The following CTSD variants were observed in gnomAD, a reference collection of about 807,000 sequenced individuals.
CTSD encodes cathepsin D, also known as ceroid-lipofuscinosis, neuronal 10.
A neutral mutation model predicts 43.6 loss-of-function variants in CTSD; 28 were observed. That is an observed-to-expected ratio of 0.64 (90% CI 0.48 to 0.88). The LOEUF (loss-of-function observed/expected upper bound fraction) is 0.88. Among genes scored for constraint, CTSD ranks in the 40% least tolerant of loss-of-function variants. CTSD has a pLI of 0.00. For missense variants in CTSD, 485 were observed against 555.2 expected (o/e 0.87, Z 1.27); for synonymous variants, 270 against 249.8 (o/e 1.08, Z -0.76).
In CTSD at chr11:1,754,886, C is replaced by T. The variant is rs763211820; in HGVS notation, c.827+20G>A. 31 of 1,613,376 alleles carry T rather than the reference C, an allele frequency of 1.9e-5. No homozygotes were observed. Among genetic ancestry groups the T allele is most frequent in the Middle Eastern group, 1.6e-4 (1 of 6,080 alleles). On this transcript the variant is annotated intron_variant, in intron 6 of 8. Transcript: ENST00000236671. ...CCCCGCCCACAGAACCCAGGGGAGC[C>T]GACTGCAGCCACTACTCACTGGTCC...
chr11:1,755,324 C>T (rs1355023577), intron 5 of CTSD: 14 of 461,182 alleles, frequency 3.0e-5, no homozygotes, highest in South Asian at 1.7e-4. Flanking sequence ...TCAAGGCTAG[C>T]GGCAGACAAG....
intron 1 of CTSD, 70 bp from the exon 2 acceptor site, chr11:1,761,538 C>T (rs1845877948): frequency 6.5e-7 from 1 of 1,547,764 alleles, no homozygotes. Context: ...CAATGCTGCA[C>T]ATCCACCTGG....
intron 5 of CTSD, among the ~76,000 whole-genome samples, chr11:1,757,114 C>A (rs1031420950): frequency 6.6e-6 from 1 of 152,240 alleles, no homozygotes; most frequent in African/African-American, 2.4e-5. Flanking sequence ...CTGGGAGACC[C>A]CGGCCAAACA....
At position 1,753,843 on chromosome 11, in the gene CTSD, C is replaced by T. The variant is rs931985226; in HGVS notation, c.1031G>A (p.Gly344Asp). The T allele has an allele frequency of 1.9e-6, 3 of 1,613,592 alleles. No individual in the cohort carries two copies. Among genetic ancestry groups the T allele is most frequent in the Non-Finnish European group, 2.5e-6 (3 of 1,179,730 alleles). Residue 344 changes from glycine to aspartate, a missense_variant, in exon 8 of 9, where the codon GGC becomes GAC. By Grantham distance (94) the Gly-to-Asp change is moderately conservative. Coordinates refer to ENST00000236671, the MANE Select transcript of CTSD (RefSeq NM_001909.5). Reference sequence around the variant, plus strand: ...CTCTGGGGACAGCTTGTAGCCTTTGCCTCCCAGCTTCAGTGTGATCGCGGG... The same window carrying T: ...CTCTGGGGACAGCTTGTAGCCTTTGTCTCCCAGCTTCAGTGTGATCGCGGG... ...TLPAITLKLG[G>D]KGYKLSPEDY... is the part of the protein sequence containing the mutation.
intron 8 of CTSD, 45 bp from the exon 9 acceptor site, chr11:1,753,715 C>G (rs370522137): frequency 6.2e-7 from 1 of 1,608,324 alleles, no homozygotes; most frequent in Non-Finnish European, 8.5e-7. Context: ...GCACCACCCG[C>G]CCCCCCACCT....
intron 5 of CTSD, among the ~76,000 whole-genome samples, chr11:1,755,616 C>T (rs1454460864): frequency 6.6e-6 from 1 of 152,132 alleles, no homozygotes; most frequent in Non-Finnish European, 1.5e-5. Flanking sequence ...CCATGTCGCC[C>T]GGGTTTGTTT....
chr11:1,753,493 G>A lies in CTSD; in HGVS notation c.*10C>T, dbSNP rs768283127. ...TCTGTTTCTGTGCTGGCGCGCGGAC[G>A]CCTTGGGAACTAGAGGCGGGCAGCC... On this transcript the variant is annotated 3_prime_UTR_variant, in exon 9 of 9. Coordinates refer to ENST00000236671, the MANE Select transcript of CTSD (RefSeq NM_001909.5). 13 of 1,612,856 alleles carry A rather than the reference G, an allele frequency of 8.1e-6. No individual in the cohort carries two copies. Among genetic ancestry groups the A allele is most frequent in the Middle Eastern group, 1.6e-4 (1 of 6,084 alleles).
intron 5 of CTSD, among the ~76,000 whole-genome samples, chr11:1,756,740 G>A (rs569377044): frequency 1.7e-3 from 253 of 152,266 alleles, no homozygotes; most frequent in Middle Eastern, 3.4e-3. Flanking sequence ...CTGGAGCAGC[G>A]GCTGCAGGTG....
At chr11:1,757,163 C>T (rs962583246) in intron 5 of CTSD, among the ~76,000 whole-genome samples, 161 bp downstream of exon 5, 10 of 152,314 alleles carry the variant, frequency 6.6e-5, no homozygotes, top group Middle Eastern at 3.4e-3. Flanking sequence ...TGCAGAAGGG[C>T]GGCCAACCCC....
At position 1,753,999 on chromosome 11, in the gene CTSD, C is replaced by T; in HGVS notation, c.967G>A (p.Gly323Ser). ...CCCCAGCCCCCGGCGCTCACCTCGC[C>T]CTGAATCAGCGGCACGGCCCCGATG... ...KAIGAVPLIQ[G>S]EYMIPCEKVS... Residue 323 changes from glycine (G) to serine (S), a missense_variant, in exon 7 of 9, where the codon GGC becomes AGC. Transcript: ENST00000236671. 1 of 1,606,846 alleles carries T rather than the reference C, an allele frequency of 6.2e-7. No individual in the cohort carries two copies.
intron 6 of CTSD, among the ~76,000 whole-genome samples, chr11:1,754,622 G>A (rs1845786215): frequency 6.8e-6 from 1 of 147,130 alleles, no homozygotes; most frequent in South Asian, 2.2e-4. Context: ...GGGGATGGAG[G>A]GCATGGAGGG....
Position 1,757,311 on chromosome 11 carries a change from C to T in CTSD, c.704+13G>A, listed in dbSNP as rs1337575299. The T allele has an allele frequency of 5.0e-6, 8 of 1,609,148 alleles. No individual in the cohort carries two copies. Among genetic ancestry groups the T allele is most frequent in the African/African-American group, 2.7e-5 (2 of 74,856 alleles). On this transcript the variant is annotated intron_variant, in intron 5 of 8. Transcript: ENST00000236671. ...CCCAGCAACGCGGAGCGAGAGGGAA[C>T]CCACACGCCCACCTGCTCAGGTAGA...
chr11:1,755,414 G>A, intron 5 of CTSD: 1 of 345,464 alleles, frequency 2.9e-6, no homozygotes, highest in East Asian at 7.4e-5. Context: ...CTTCCAGGAG[G>A]GAGTGATGGC....
intron 3 of CTSD, 32 bp downstream of exon 3, chr11:1,759,484 C>G (rs749784302): frequency 4.9e-5 from 79 of 1,612,110 alleles, no homozygotes; most frequent in Non-Finnish European, 6.5e-5. Flanking sequence ...AAGGGCAGGA[C>G]CTGGGCGACG....
intron 4 of CTSD, 22 bp from the exon 5 acceptor site, chr11:1,757,578 G>A: frequency 6.3e-7 from 1 of 1,584,436 alleles, no homozygotes; most frequent in Non-Finnish European, 8.6e-7. Context: ...GGCAGAGTCA[G>A]TGGGCAGCAG....
chr11:1,762,516 T>G (rs1233157142), intron 1 of CTSD: 1 of 152,188 alleles, frequency 6.6e-6, no homozygotes, highest in African/African-American at 2.4e-5. Context: ...TCCTGGCTTG[T>G]CAGGGGCGTG....
intron 5 of CTSD, 56 bp from the exon 6 acceptor site, chr11:1,755,084 C>A: frequency 1.9e-6 from 3 of 1,610,126 alleles, no homozygotes; most frequent in Non-Finnish European, 2.5e-6. Flanking sequence ...ACAAGAGTGC[C>A]AGGTCAGGAG....
At chr11:1,756,501 C>T (rs1046933136) in intron 5 of CTSD, among the ~76,000 whole-genome samples, 1 of 152,228 alleles carries the variant, frequency 6.6e-6, no homozygotes, top group Non-Finnish European at 1.5e-5. Context: ...AAGTGAGCCA[C>T]GTGAGGTAAA....
At chr11:1,759,430 G>A (rs1033954198) in intron 3 of CTSD, 86 bp downstream of exon 3, 24 of 1,581,956 alleles carry the variant, frequency 1.5e-5, no homozygotes, top group Middle Eastern at 1.7e-4. Context: ...GGAGAATTGC[G>A]TTGCCCAAGT....
Sources: gnomAD v4.1 joint callset for allele counts (sites outside exome capture counted in the v4.1 genomes callset) on GRCh38, gnomAD v4.1.1 for gene constraint, MANE v1.5 for transcripts, NCBI Gene and HGNC (gene_info 2026-07-23, HGNC 2026-07-21) for gene names.